The following PPM1H variants were observed in gnomAD, a reference collection of about 807,000 sequenced individuals.
PPM1H encodes protein phosphatase, Mg2+/Mn2+ dependent 1H.
PPM1H carries 27 observed loss-of-function variants against 54.9 expected under a neutral mutation model. The ratio of observed to expected loss-of-function variants is 0.49; its 90% CI spans 0.36 to 0.68. The LOEUF (loss-of-function observed/expected upper bound fraction) is 0.68, where lower values mean the gene tolerates loss of function less well. PPM1H is among the 30% of genes least tolerant of loss of function. The pLI, the probability that PPM1H is intolerant of heterozygous loss-of-function variation, is 0.00. For missense variants in PPM1H, 596 were observed against 667.8 expected (o/e 0.89, Z 1.19); for synonymous variants, 305 against 270.8 (o/e 1.13, Z -1.24).
intron 4 of PPM1H, among the ~76,000 whole-genome samples, chr12:62,766,482 G>C (rs965405400): frequency 3.9e-5 from 6 of 151,946 alleles, no homozygotes; most frequent in Non-Finnish European, 7.4e-5. Context: ...GGTCACAAAT[G>C]CTTCCTAACA....
At chr12:62,765,222 T>G (rs2076534259) in intron 4 of PPM1H, among the ~76,000 whole-genome samples, 1 of 152,266 alleles carries the variant, frequency 6.6e-6, no homozygotes, top group Admixed American at 6.5e-5. Flanking sequence ...AAAAGAGAAC[T>G]GATGTCCACG....
At chr12:62,746,613 C>T (rs772169987) in intron 4 of PPM1H, among the ~76,000 whole-genome samples, 69 of 152,298 alleles carry the variant, frequency 4.5e-4, no homozygotes, top group Admixed American at 5.9e-4. Context: ...GTCCTTGTTG[C>T]GAGGCAGCCA....
At chr12:62,857,230 A>G (rs1168068056) in intron 1 of PPM1H, among the ~76,000 whole-genome samples, 1 of 152,074 alleles carries the variant, frequency 6.6e-6, no homozygotes, top group Non-Finnish European at 1.5e-5. Flanking sequence ...TTTAACAAAC[A>G]AACAAATAAA....
chr12:62,692,790 C>T (rs1056830687), intron 7 of PPM1H, among the ~76,000 whole-genome samples: 14 of 152,132 alleles, frequency 9.2e-5, no homozygotes, highest in African/African-American at 3.1e-4. Context: ...GGGGTATGTT[C>T]GTTTAAAAAA....
At chr12:62,930,776 C>T (rs1872109495) in intron 1 of PPM1H, among the ~76,000 whole-genome samples, 1 of 151,258 alleles carries the variant, frequency 6.6e-6, no homozygotes, top group African/African-American at 2.4e-5. Flanking sequence ...GATTTCAAAG[C>T]CAAACTTAAA....
intron 1 of PPM1H, among the ~76,000 whole-genome samples, chr12:62,888,676 T>C (rs1186883095): frequency 6.6e-6 from 1 of 152,054 alleles, no homozygotes; most frequent in African/African-American, 2.4e-5. Context: ...GGTGACATTA[T>C]AAAAAACAGT....
Position 62,647,409 on chromosome 12 carries a change from T to C in PPM1H, c.*1080A>G, listed in dbSNP as rs2075792094. ...TCCTTACACTTTGTTTGGAGTGGGC[T>C]TGGGGACAGTCACAAGCCATGAAAC... On this transcript the variant is annotated 3_prime_UTR_variant, in exon 10 of 10. Coordinates refer to ENST00000228705, the MANE Select transcript of PPM1H (RefSeq NM_020700.2). The C allele has an allele frequency of 1.3e-5, 2 of 152,238 alleles. No individual in the cohort carries two copies. Among genetic ancestry groups the C allele is most frequent in the Admixed American group, 1.3e-4 (2 of 15,280 alleles). 9.4% of individuals were successfully genotyped at this position (152,238 alleles called of 1,614,324 possible). A position where few individuals can be genotyped will look rare whatever the true frequency, so the allele number is the denominator to read the frequency against.
At chr12:62,669,433 A>T (rs533542144) in intron 8 of PPM1H, among the ~76,000 whole-genome samples, 1 of 152,148 alleles carries the variant, frequency 6.6e-6, no homozygotes, top group East Asian at 1.9e-4. Context: ...CTGTGGTTCA[A>T]CTTCCTCCCA....
At chr12:62,704,565 C>T (rs984260705) in intron 6 of PPM1H, among the ~76,000 whole-genome samples, 17 of 152,134 alleles carry the variant, frequency 1.1e-4, no homozygotes, top group Admixed American at 8.5e-4. Context: ...AGCCTATAGG[C>T]CTTAAGCTGT....
intron 1 of PPM1H, among the ~76,000 whole-genome samples, chr12:62,912,528 C>CA (rs1823105058): frequency 6.6e-6 from 1 of 152,048 alleles, no homozygotes; most frequent in Non-Finnish European, 1.5e-5. Context: ...TGGTGAGCAG[C>CA]ATCTTAATGG....
intron 1 of PPM1H, among the ~76,000 whole-genome samples, chr12:62,894,286 G>T (rs896369851): frequency 6.6e-6 from 1 of 152,204 alleles, no homozygotes; most frequent in Non-Finnish European, 1.5e-5. Context: ...AACCAAAAGG[G>T]AGAAGGGCTT....
chr12:62,930,733 A>T (rs1200685002), intron 1 of PPM1H, among the ~76,000 whole-genome samples: 1 of 152,258 alleles, frequency 6.6e-6, no homozygotes, highest in East Asian at 1.9e-4. Context: ...CAAGGGCTTT[A>T]TCAAATGAGC....
chr12:62,766,241 T>A (rs185685136), intron 4 of PPM1H, among the ~76,000 whole-genome samples: 1 of 152,152 alleles, frequency 6.6e-6, no homozygotes, highest in African/African-American at 2.4e-5. Flanking sequence ...GAGGGCTCTA[T>A]TGGGGAAAAG....
At chr12:62,843,424 A>T (rs1365900840) in intron 1 of PPM1H, among the ~76,000 whole-genome samples, 2 of 152,200 alleles carry the variant, frequency 1.3e-5, no homozygotes, top group African/African-American at 4.8e-5. Flanking sequence ...TCCTCATTTT[A>T]TTGGCCAAAT....
intron 7 of PPM1H, among the ~76,000 whole-genome samples, chr12:62,693,735 A>C (rs1268561591): frequency 2.6e-5 from 4 of 152,152 alleles, no homozygotes; most frequent in Admixed American, 1.3e-4. Flanking sequence ...CCTTGTGCTC[A>C]CCGCCCACCT....
chr12:62,813,803 T>C (rs1419797635), intron 2 of PPM1H, among the ~76,000 whole-genome samples: 1 of 152,196 alleles, frequency 6.6e-6, no homozygotes, highest in East Asian at 1.9e-4. Flanking sequence ...AGATATTAGC[T>C]AATGATAGCA....
chr12:62,829,683 T>C (rs1396510556), intron 2 of PPM1H, among the ~76,000 whole-genome samples: 1 of 152,176 alleles, frequency 6.6e-6, no homozygotes, highest in Non-Finnish European at 1.5e-5. Flanking sequence ...CCCACAGATA[T>C]TGGGAACCAC....
intron 4 of PPM1H, among the ~76,000 whole-genome samples, chr12:62,759,251 C>T (rs2076492822): frequency 1.3e-5 from 2 of 152,190 alleles, no homozygotes; most frequent in South Asian, 2.1e-4. Flanking sequence ...GAGACCAGTC[C>T]CCTGTCCTCA....
intron 2 of PPM1H, among the ~76,000 whole-genome samples, chr12:62,807,121 G>A (rs544705375): frequency 7.9e-4 from 121 of 152,334 alleles, no homozygotes; most frequent in African/African-American, 2.2e-3. Context: ...CCATGGCCAT[G>A]TGGCTGAGTG....
Sources: gnomAD v4.1 joint callset for allele counts (sites outside exome capture counted in the v4.1 genomes callset) on GRCh38, gnomAD v4.1.1 for gene constraint, MANE v1.5 for transcripts, NCBI Gene and HGNC (gene_info 2026-07-23, HGNC 2026-07-21) for gene names.